The following ITGBL1 variants were observed in gnomAD, a reference collection of about 807,000 sequenced individuals.
The protein encoded by ITGBL1 is integrin beta-like protein 1.
A neutral mutation model predicts 68.5 loss-of-function variants in ITGBL1; 51 were observed. That is an observed-to-expected ratio of 0.74 (90% CI 0.59 to 0.94). The LOEUF (loss-of-function observed/expected upper bound fraction) is 0.94. Ranked by LOEUF, ITGBL1 falls within the 40% of genes least tolerant of loss-of-function variation. The pLI is 0.00. For synonymous variants in ITGBL1, 209 were observed against 227.3 expected (o/e 0.92, Z 0.72); for missense variants, 649 against 647.4 (o/e 1.00, Z -0.03).
intron 3 of ITGBL1, 54 bp downstream of exon 3, chr13:101,567,899 T>C (rs2050207969): frequency 6.9e-7 from 1 of 1,452,734 alleles, no homozygotes; most frequent in Non-Finnish European, 9.5e-7. Context: ...ATTTTGTTTT[T>C]AATGGAAATA....
At chr13:101,567,212 A>T (rs114576860) in intron 2 of ITGBL1, among the ~76,000 whole-genome samples, 2 of 152,136 alleles carry the variant, frequency 1.3e-5, no homozygotes, top group Non-Finnish European at 2.9e-5. Context: ...TGAAGTTGGT[A>T]TTTAATATAT....
chr13:101,693,501 A>G (rs2033928142), intron 8 of ITGBL1, among the ~76,000 whole-genome samples: 1 of 152,110 alleles, frequency 6.6e-6, no homozygotes, highest in South Asian at 2.1e-4. Context: ...CTTGTTACAT[A>G]TGTCTTATTG....
Position 101,715,845 on chromosome 13 carries a change from T to C in ITGBL1, c.*191T>C, listed in dbSNP as rs1029278350. ...TATGCAAATTTAGATGCAAATAACA[T>C]TAGAAAAAAAAGATTCTTCCATAAT... On this transcript the variant is annotated 3_prime_UTR_variant, in exon 11 of 11. Coordinates refer to ENST00000376180, the MANE Select transcript of ITGBL1 (RefSeq NM_004791.3). 1 of 462,102 alleles carries C rather than the reference T, an allele frequency of 2.2e-6. No homozygotes were observed. The highest frequency in any genetic ancestry group is 2.0e-5 in the African/African-American group (1 of 50,008). The allele number at this position is 462,102 out of a possible 1,614,324, so 28.6% of individuals were successfully genotyped here. A position where few individuals can be genotyped will look rare whatever the true frequency, so the allele number is the denominator to read the frequency against.
chr13:101,484,213 G>C (rs1477322799), intron 2 of ITGBL1, among the ~76,000 whole-genome samples: 1 of 151,974 alleles, frequency 6.6e-6, no homozygotes, highest in Non-Finnish European at 1.5e-5. Context: ...GTGGTTAAAA[G>C]GGATAGGTAA....
chr13:101,550,049 G>A (rs758483213), intron 2 of ITGBL1, among the ~76,000 whole-genome samples: 3 of 152,030 alleles, frequency 2.0e-5, no homozygotes, highest in Non-Finnish European at 4.4e-5. Flanking sequence ...GATGATTATG[G>A]CTATATACTA....
At chr13:101,700,348 A>AT (rs2034107049) in intron 8 of ITGBL1, among the ~76,000 whole-genome samples, 1 of 152,200 alleles carries the variant, frequency 6.6e-6, no homozygotes, top group Admixed American at 6.5e-5. Flanking sequence ...CCAGTCCAAC[A>AT]TTGTGTCCCA....
chr13:101,713,158 G>T (rs2034555014), intron 9 of ITGBL1: 1 of 152,130 alleles, frequency 6.6e-6, no homozygotes, highest in African/African-American at 2.4e-5. Flanking sequence ...GGGGATTTTT[G>T]CAGCTGAAAT....
At chr13:101,542,739 C>T (rs28795719) in intron 2 of ITGBL1, among the ~76,000 whole-genome samples, 1,758 of 152,186 alleles carry the variant, frequency 0.012, 35 homozygotes, top group African/African-American at 0.04. Flanking sequence ...TCTGGGTGCT[C>T]CTGTATTGGG....
chr13:101,686,989 T>C (rs565944753), intron 7 of ITGBL1, among the ~76,000 whole-genome samples: 2 of 152,178 alleles, frequency 1.3e-5, no homozygotes, highest in African/African-American at 4.8e-5. Context: ...TAGCTGTCTA[T>C]ATATTCTATT....
At chr13:101,719,537 T>TAA (rs1162529567), downstream of ITGBL1, 1 of 152,062 alleles carries the variant, frequency 6.6e-6, no homozygotes, top group African/African-American at 2.4e-5. Context: ...TTTTTCCAAG[T>TAA]AAAGTGGTAG....
intron 7 of ITGBL1, among the ~76,000 whole-genome samples, chr13:101,686,586 T>G (rs1207932833): frequency 6.6e-6 from 1 of 152,108 alleles, no homozygotes; most frequent in East Asian, 1.9e-4. Flanking sequence ...TTCTAAAATT[T>G]TAAGCTTCCG....
At chr13:101,532,803 G>C (rs751356528) in intron 2 of ITGBL1, among the ~76,000 whole-genome samples, 3 of 152,166 alleles carry the variant, frequency 2.0e-5, no homozygotes, top group Non-Finnish European at 2.9e-5. Context: ...ATCAGTGGAA[G>C]CCTAGAGCAT....
chr13:101,619,017 T>C (rs779382885), intron 7 of ITGBL1, among the ~76,000 whole-genome samples: 3 of 152,068 alleles, frequency 2.0e-5, no homozygotes, highest in Non-Finnish European at 4.4e-5. Flanking sequence ...TGTAAGACTT[T>C]AAGGAGTCCT....
chr13:101,637,070 G>A (rs2032193909), intron 7 of ITGBL1, among the ~76,000 whole-genome samples: 1 of 152,080 alleles, frequency 6.6e-6, no homozygotes, highest in Non-Finnish European at 1.5e-5. Context: ...GTTATAAAGT[G>A]TTCATGTGCG....
In ITGBL1 at chr13:101,587,409, C is replaced by G. The variant is rs150117366; in HGVS notation, c.868+4053C>G. On this transcript the variant is annotated intron_variant, in intron 6 of 10. Transcript: ENST00000376180. ...ATACTACACACATACACGCACCCCT[C>G]AAAGACAATACGGTTGACACAATTT... is the stretch of plus-strand genomic sequence containing the variant. Among the ~76,000 whole-genome samples, 329 of 152,286 alleles carry G rather than the reference C, an allele frequency of 2.2e-3. 1 individual carries two copies. The highest frequency in any genetic ancestry group is 7.6e-3 in the African/African-American group (317 of 41,550).
intron 7 of ITGBL1, among the ~76,000 whole-genome samples, chr13:101,635,747 A>C (rs1484325191): frequency 3.9e-5 from 6 of 152,086 alleles, no homozygotes; most frequent in Non-Finnish European, 8.8e-5. Flanking sequence ...GGTAGTAATT[A>C]TATATGCATA....
chr13:101,488,844 A>T (rs549193473), intron 2 of ITGBL1, among the ~76,000 whole-genome samples: 9 of 152,314 alleles, frequency 5.9e-5, no homozygotes, highest in Admixed American at 3.3e-4. Context: ...TCTCAAAAAA[A>T]AGGGAGTTAT....
At chr13:101,558,767 C>T (rs1192855523) in intron 2 of ITGBL1, among the ~76,000 whole-genome samples, 2 of 152,034 alleles carry the variant, frequency 1.3e-5, no homozygotes, top group East Asian at 3.9e-4. Context: ...TTTAATTTAC[C>T]AGACAAAAAT....
At chr13:101,605,976 A>G (rs1348058610) in intron 7 of ITGBL1, among the ~76,000 whole-genome samples, 13 of 147,026 alleles carry the variant, frequency 8.8e-5, no homozygotes, top group Non-Finnish European at 1.6e-4. Flanking sequence ...ATATATGCAT[A>G]TATGTGTATA....
Sources: allele counts gnomAD v4.1 joint callset (sites outside exome capture counted in the v4.1 genomes callset), GRCh38; gene constraint gnomAD v4.1.1; transcripts MANE v1.5; gene names NCBI Gene and HGNC (gene_info 2026-07-23, HGNC 2026-07-21).